The following HDHD2 variants were observed in gnomAD, a reference collection of about 807,000 sequenced individuals.
HDHD2 encodes haloacid dehalogenase-like hydrolase domain-containing protein 2.
Under a neutral mutation model 24.8 loss-of-function variants are expected in HDHD2, and 26 were observed. The ratio of observed to expected loss-of-function variants is 1.05; its 90% CI spans 0.77 to 1.45. HDHD2 has a LOEUF of 1.45. HDHD2 is among the 40% of genes most tolerant of loss of function. The pLI is 0.00. For missense variants in HDHD2, 299 were observed against 313.4 expected, an observed-to-expected ratio of 0.95 and a Z score of 0.35; for synonymous variants, 128 against 114.9, an observed-to-expected ratio of 1.11 and a Z score of -0.73.
chr18:47,127,022 G>A (rs915244245), intron 4 of HDHD2, among the ~76,000 whole-genome samples: 1 of 152,024 alleles, frequency 6.6e-6, no homozygotes, highest in Non-Finnish European at 1.5e-5. Flanking sequence ...TTAGCTGGGC[G>A]TGGTGGTGGG....
chr18:47,110,324 C>T, intron 6 of HDHD2: 1 of 985,054 alleles, frequency 1.0e-6, no homozygotes, highest in Non-Finnish European at 1.2e-6. Context: ...ATACCTCACT[C>T]TCGTTAGCAC....
At chr18:47,122,504 C>CA (rs2063616870) in intron 4 of HDHD2, among the ~76,000 whole-genome samples, 1 of 152,112 alleles carries the variant, frequency 6.6e-6, no homozygotes, top group Non-Finnish European at 1.5e-5. Flanking sequence ...CCTTAGGGGG[C>CA]AAAACTGTCC....
chr18:47,142,511 T>C (rs2063829106), intron 1 of HDHD2, among the ~76,000 whole-genome samples: 1 of 152,064 alleles, frequency 6.6e-6, no homozygotes, highest in African/African-American at 2.4e-5. Flanking sequence ...TACAGAGACA[T>C]ACACATAACA....
chr18:47,146,265 C>CAAATAAATG (rs2063869569), intron 1 of HDHD2, among the ~76,000 whole-genome samples: 1 of 148,986 alleles, frequency 6.7e-6, no homozygotes, highest in Admixed American at 6.7e-5. Flanking sequence ...ATCTGAACAG[C>CAAATAAATG]AAATAAATGA....
At chr18:47,110,377 T>C (rs1271462573) in intron 6 of HDHD2, 6 of 985,306 alleles carry the variant, frequency 6.1e-6, no homozygotes, top group Non-Finnish European at 7.2e-6. Flanking sequence ...CAGCAAGCTC[T>C]ACTGCCAGTT....
intron 6 of HDHD2, chr18:47,110,318 C>G: frequency 1.4e-5 from 14 of 985,220 alleles, no homozygotes; most frequent in Non-Finnish European, 1.7e-5. Flanking sequence ...TAATATATAC[C>G]TCACTCTCGT....
chr18:47,133,477 G>A (rs2063733426), intron 3 of HDHD2, among the ~76,000 whole-genome samples: 1 of 137,520 alleles, frequency 7.3e-6, no homozygotes. Context: ...TGTCTTTATA[G>A]CAGCATGATT....
intron 4 of HDHD2, among the ~76,000 whole-genome samples, chr18:47,127,156 G>A (rs1445523654): frequency 2.0e-5 from 3 of 151,140 alleles, no homozygotes; most frequent in Non-Finnish European, 4.4e-5. Flanking sequence ...GCAAGACTCC[G>A]TCTCAAAAAA....
intron 4 of HDHD2, among the ~76,000 whole-genome samples, chr18:47,118,245 C>G (rs1391191789): frequency 6.6e-6 from 1 of 152,042 alleles, no homozygotes; most frequent in Non-Finnish European, 1.5e-5. Flanking sequence ...ACCCAGTAAT[C>G]CCATTAGATT....
intron 6 of HDHD2, chr18:47,109,983 G>A: frequency 3.0e-6 from 3 of 985,274 alleles, no homozygotes; most frequent in Non-Finnish European, 3.6e-6. Flanking sequence ...AGAGGGGAGG[G>A]AGGAAATGCA....
intron 4 of HDHD2, 62 bp from the exon 5 acceptor site, chr18:47,115,410 C>T (rs778497054): frequency 5.8e-6 from 7 of 1,198,972 alleles, no homozygotes; most frequent in South Asian, 1.3e-5. Flanking sequence ...TGACTGGGAA[C>T]GAATGTCAGA....
Position 47,107,772 on chromosome 18 carries a change from T to C in HDHD2, c.*910A>G, listed in dbSNP as rs2063486203. 6.6e-6 allele frequency: 1 copy of C among 152,606 alleles called. No individual in the cohort carries two copies. The highest frequency in any genetic ancestry group is 2.4e-5 in the African/African-American group (1 of 41,436). The allele number at this position is 152,606 out of a possible 1,614,324, so 9.5% of individuals were successfully genotyped here. On this transcript the variant is annotated 3_prime_UTR_variant, in exon 7 of 7. Coordinates refer to ENST00000300605, the MANE Select transcript of HDHD2 (RefSeq NM_032124.5). ...GTCCCAATAGCTTCTAAAAAATTTT[T>C]CCCATAGTGTCAGAGGCAAAAATAA...
At chr18:47,137,116 G>A in intron 1 of HDHD2, 1 of 730,952 alleles carries the variant, frequency 1.4e-6, no homozygotes, top group South Asian at 1.3e-5. Flanking sequence ...TGCAGTTTAA[G>A]ATTAAGAGGC....
chr18:47,147,930 C>T lies in HDHD2; in HGVS notation c.-11+2448G>A, dbSNP rs534138952. Among the ~76,000 whole-genome samples the T allele has an allele frequency of 9.2e-5, 14 of 152,110 alleles. No homozygotes were observed. In the East Asian group the frequency reaches 2.7e-3, roughly 29 times the overall value. ...ATACTTACTTCTTCAGTTAGTCCCACTAACTTGATCACTTGATCACTATGA... is the reference window on the plus strand; with the variant it reads ...ATACTTACTTCTTCAGTTAGTCCCATTAACTTGATCACTTGATCACTATGA... On this transcript the variant is annotated intron_variant, in intron 1 of 6. Coordinates refer to ENST00000300605, the MANE Select transcript of HDHD2 (RefSeq NM_032124.5).
At chr18:47,128,275 G>T (rs1243769861) in intron 4 of HDHD2, among the ~76,000 whole-genome samples, 1 of 152,212 alleles carries the variant, frequency 6.6e-6, no homozygotes, top group Admixed American at 6.5e-5. Flanking sequence ...CATTAAGACA[G>T]AGACCTCCCA....
At chr18:47,137,091 A>T (rs2063773802) in intron 1 of HDHD2, 1 of 731,430 alleles carries the variant, frequency 1.4e-6, no homozygotes, top group African/African-American at 1.7e-5. Context: ...GTGGCAGGGC[A>T]GAATGGTTCT....
At chr18:47,140,586 A>G (rs570237744) in intron 1 of HDHD2, among the ~76,000 whole-genome samples, 1 of 152,142 alleles carries the variant, frequency 6.6e-6, no homozygotes, top group East Asian at 1.9e-4. Flanking sequence ...TTGCATGATC[A>G]CAGCTCACTG....
At chr18:47,135,611 T>C (rs72907215) in intron 2 of HDHD2, among the ~76,000 whole-genome samples, 4,006 of 152,256 alleles carry the variant, frequency 0.026, 61 homozygotes, top group Non-Finnish European at 0.041. Flanking sequence ...CATTTTAAGG[T>C]TGGAAAACAT....
chr18:47,144,799 CAAA>C (rs200234127), intron 1 of HDHD2, among the ~76,000 whole-genome samples: 3 of 61,240 alleles, frequency 4.9e-5, no homozygotes, highest in Non-Finnish European at 6.6e-5. Context: ...GACCCTGTCT[CAAA>C]AAAAAAAAAA....
Sources: gnomAD v4.1 joint callset for allele counts (sites outside exome capture counted in the v4.1 genomes callset) on GRCh38, gnomAD v4.1.1 for gene constraint, MANE v1.5 for transcripts, NCBI Gene and HGNC (gene_info 2026-07-23, HGNC 2026-07-21) for gene names.